The following ALS2 variants were observed in gnomAD, a reference collection of about 807,000 sequenced individuals.
ALS2 encodes the protein alsin Rho guanine nucleotide exchange factor ALS2.
A neutral mutation model predicts 203.4 loss-of-function variants in ALS2; 117 were observed. That is an observed-to-expected ratio of 0.58 (90% CI 0.50 to 0.67). The LOEUF (loss-of-function observed/expected upper bound fraction) is 0.67. ALS2 is among the 30% of genes least tolerant of loss of function. ALS2 has a pLI of 0.00. For missense variants in ALS2, 1,715 were observed against 1,989.4 expected, an observed-to-expected ratio of 0.86 and a Z score of 2.62; for synonymous variants, 718 against 725.9, an observed-to-expected ratio of 0.99 and a Z score of 0.17.
At position 201,724,534 on chromosome 2, in the gene ALS2, T is replaced by C. The variant is rs3219163; in HGVS notation, c.3348-75A>G. The C allele has an allele frequency of 0.18, 262,493 of 1,481,450 alleles. 27,356 individuals carry two copies. Among genetic ancestry groups the C allele is most frequent in the East Asian group, 0.4 (17,500 of 44,230 alleles). The allele number at this position is 1,481,450 out of a possible 1,614,324, so 91.8% of individuals were successfully genotyped here. ...GCTCATTTTTACAAAGTTTAGAAAA[T>C]CCAAAACCATACTCAGTCTCACTGG... On this transcript the variant is annotated intron_variant, in intron 20 of 33. Transcript: ENST00000264276.
At position 201,718,152 on chromosome 2, in the gene ALS2, C is replaced by A. The variant is rs1690527890; in HGVS notation, c.3761G>T (p.Gly1254Val). 1 of 1,613,286 alleles carries A rather than the reference C, an allele frequency of 6.2e-7. No individual in the cohort carries two copies. The highest frequency in any genetic ancestry group is 1.3e-5 in the African/African-American group (1 of 74,914). ...GGTTCCAGTGATTTTTATCCCAGAT[C>A]CCCATTCTCCACTAAAATAACCTTC... ...YIEGYFSGEW[G>V]SGIKITGTYF... The change falls in exon 24 of 34, where the codon GGA becomes GTA. Residue 1254 changes from glycine (G) to valine (V), a missense_variant. Gly to Val is a moderately radical substitution (Grantham distance 109). Transcript: ENST00000264276.
chr2:201,757,569 T>A lies in ALS2; in HGVS notation c.1304A>T (p.Gln435Leu), dbSNP rs1085307055. The A allele has an allele frequency of 1.9e-6, 3 of 1,614,208 alleles. No homozygotes were observed. In the East Asian group the frequency reaches 6.7e-5, roughly 36 times the overall value. Reference protein sequence around the residue: ...YSTTPCETGAQAGSSAIGPEG... With the variant: ...YSTTPCETGALAGSSAIGPEG... ...GGGGCCAATGGCACTACTGCCTGCC[T>A]GAGCTCCAGTTTCACAAGGGGTTGT... The change falls in exon 5 of 34, where the codon CAG becomes CTG. Residue 435 changes from glutamine to leucine, a missense_variant. By Grantham distance (113) the Gln-to-Leu change is moderately radical (BLOSUM62 -2). This residue lies in a region of ALS2 where 476 missense variants were observed against 539.3 expected (regional missense o/e 0.88). Transcript: ENST00000264276.
chr2:201,710,690 A>C (rs1689979399), intron 26 of ALS2, among the ~76,000 whole-genome samples: 1 of 152,194 alleles, frequency 6.6e-6, no homozygotes, highest in Non-Finnish European at 1.5e-5. Flanking sequence ...TGAGGGCAGC[A>C]TGCTTTACTT....
At chr2:201,758,056 T>G (rs1484439095) in intron 4 of ALS2, among the ~76,000 whole-genome samples, 3 of 152,028 alleles carry the variant, frequency 2.0e-5, no homozygotes, top group African/African-American at 7.2e-5. Context: ...TTAAACACAG[T>G]AAAAAGGGAG....
chr2:201,737,313 G>A (rs532406541), intron 12 of ALS2, among the ~76,000 whole-genome samples: 2 of 152,136 alleles, frequency 1.3e-5, no homozygotes, highest in African/African-American at 2.4e-5. Flanking sequence ...CTTGAATTTT[G>A]GTTTCCTTTG....
At chr2:201,729,001 C>A (rs768195541) in intron 14 of ALS2, 51 bp downstream of exon 14, 1 of 1,613,262 alleles carries the variant, frequency 6.2e-7, no homozygotes, top group Non-Finnish European at 8.5e-7. Flanking sequence ...CAATTGTTAT[C>A]GAAATGGTTG....
intron 10 of ALS2, among the ~76,000 whole-genome samples, chr2:201,744,001 T>C (rs1288310071): frequency 6.6e-6 from 1 of 152,198 alleles, no homozygotes; most frequent in East Asian, 1.9e-4. Context: ...TCCTCTGCCA[T>C]GAATATCCTA....
At chr2:201,762,217 A>C (rs565178458) in intron 3 of ALS2, among the ~76,000 whole-genome samples, 1 of 152,346 alleles carries the variant, frequency 6.6e-6, no homozygotes, top group South Asian at 2.1e-4. Flanking sequence ...AAACAGACAC[A>C]TTCACTAATA....
chr2:201,709,217 C>T (rs140992348), intron 27 of ALS2, among the ~76,000 whole-genome samples: 282 of 152,276 alleles, frequency 1.9e-3, no homozygotes, highest in Admixed American at 4.0e-3. Flanking sequence ...ATACTACCAC[C>T]GTATTAGTCA....
intron 22 of ALS2, 59 bp from the exon 23 acceptor site, chr2:201,723,179 G>T: frequency 1.4e-6 from 2 of 1,457,530 alleles, no homozygotes; most frequent in Non-Finnish European, 1.9e-6. Flanking sequence ...ACTTAAGAGT[G>T]CACGCAGTCA....
intron 13 of ALS2, among the ~76,000 whole-genome samples, chr2:201,733,029 C>G (rs1005683106): frequency 1.3e-5 from 2 of 152,174 alleles, no homozygotes; most frequent in African/African-American, 2.4e-5. Flanking sequence ...CAACTTTAGA[C>G]AGTTTCATAA....
intron 13 of ALS2, among the ~76,000 whole-genome samples, chr2:201,729,738 G>A (rs1313813454): frequency 3.3e-5 from 5 of 151,976 alleles, no homozygotes; most frequent in African/African-American, 9.6e-5. Context: ...AAAATTAGCC[G>A]GGTGTGGTGG....
Position 201,704,518 on chromosome 2 carries a change from C to T in ALS2, c.4774G>A (p.Glu1592Lys), listed in dbSNP as rs777070358. 9 of 1,613,976 alleles carry T rather than the reference C, an allele frequency of 5.6e-6. No individual in the cohort carries two copies. The highest frequency in any genetic ancestry group is 1.7e-5 in the Admixed American group (1 of 60,004). ...ISQSVLASLH[E>K]DFLWSMDDLF... ...TCATCCATGGACCACAAGAAGTCTT[C>T]GTGGAGTGACGCCAGGACACTCTGA... The change falls in exon 32 of 34, where the codon GAA (glutamate) becomes AAA (lysine). Residue 1592 changes from glutamate (E) to lysine (K), a missense_variant. Around this residue, in one of 3 missense-constraint regions of ALS2, gnomAD observed 1,227 missense variants for 1,413.5 expected, o/e 0.87. Coordinates refer to ENST00000264276, the MANE Select transcript of ALS2 (RefSeq NM_020919.4).
chr2:201,776,311 A>G (rs1254120751), intron 1 of ALS2, among the ~76,000 whole-genome samples: 1 of 152,090 alleles, frequency 6.6e-6, no homozygotes, highest in African/African-American at 2.4e-5. Context: ...TCATGCTGAA[A>G]CTTACTGAAA....
intron 7 of ALS2, among the ~76,000 whole-genome samples, chr2:201,751,961 T>G (rs1485196449): frequency 1.3e-5 from 2 of 152,204 alleles, no homozygotes; most frequent in Non-Finnish European, 2.9e-5. Flanking sequence ...ATACTTGAGA[T>G]TATTTCTAGC....
At chr2:201,728,956 T>C (rs2106012347) in intron 14 of ALS2, 96 bp downstream of exon 14, 1 of 1,587,070 alleles carries the variant, frequency 6.3e-7, no homozygotes, top group Non-Finnish European at 8.6e-7. Flanking sequence ...AAAAGGTTAT[T>C]ACCACAAACA....
intron 23 of ALS2, 108 bp from the exon 24 acceptor site, chr2:201,718,318 G>T: frequency 7.9e-7 from 1 of 1,267,806 alleles, no homozygotes; most frequent in Non-Finnish European, 1.1e-6. Flanking sequence ...GGAGTGCAGT[G>T]ATGCGATCTT....
At chr2:201,738,133 C>T (rs1232290359) in intron 12 of ALS2, among the ~76,000 whole-genome samples, 1 of 151,986 alleles carries the variant, frequency 6.6e-6, no homozygotes, top group African/African-American at 2.4e-5. Flanking sequence ...GACCCTATCT[C>T]TTCTATTTTA....
Position 201,728,611 on chromosome 2 carries a change from C to CA in ALS2, c.2741dup (p.Leu915AlafsTer3). ...GGGCTCGGTTACTACTCTCACACAG[C>CA]AGTCGACGCTCTGGCTTCCTCAAGG... On this transcript the variant is annotated frameshift_variant, in exon 15 of 34. Transcript: ENST00000264276. LOFTEE classifies it high-confidence loss of function. 1 of 1,614,066 alleles carries CA rather than the reference C, an allele frequency of 6.2e-7. No individual in the cohort carries two copies. The highest frequency in any genetic ancestry group is 8.5e-7 in the Non-Finnish European group (1 of 1,179,976).
Sources: allele counts gnomAD v4.1 joint callset (sites outside exome capture counted in the v4.1 genomes callset), GRCh38; gene constraint gnomAD v4.1.1; regional missense constraint gnomAD v4.1.1; transcripts MANE v1.5; gene names NCBI Gene and HGNC (gene_info 2026-07-23, HGNC 2026-07-21).